SDK1: variants seen among roughly 807,000 people sequenced by gnomAD.
The protein encoded by SDK1 is protein sidekick-1.
Under a neutral mutation model 245.5 loss-of-function variants are expected in SDK1, and 157 were observed. That is an observed-to-expected ratio of 0.64 (90% confidence interval 0.56 to 0.73). The LOEUF (loss-of-function observed/expected upper bound fraction) is 0.73. Among genes scored for constraint, SDK1 ranks in the 30% least tolerant of loss-of-function variants. The pLI, the probability that SDK1 is intolerant of heterozygous loss-of-function variation, is 0.00. For synonymous variants in SDK1, 1,647 were observed against 1,278.5 expected, an observed-to-expected ratio of 1.29 and a Z score of -6.15; for missense variants, 3,583 against 3,002.3, an observed-to-expected ratio of 1.19 and a Z score of -4.52.
intron 7 of SDK1, 46 bp downstream of exon 7, chr7:3,951,966 A>T: frequency 6.6e-7 from 1 of 1,526,378 alleles, no homozygotes; most frequent in Non-Finnish European, 8.9e-7. Flanking sequence ...CTCAGATAGC[A>T]TCCGACACTG....
chr7:4,214,305 A>G (rs1045943948), intron 38 of SDK1, among the ~76,000 whole-genome samples: 2 of 152,164 alleles, frequency 1.3e-5, no homozygotes, highest in Admixed American at 1.3e-4. Context: ...ATTCTAGACA[A>G]ACCGCTGGCT....
chr7:4,122,595 T>G (rs907371937), intron 25 of SDK1, among the ~76,000 whole-genome samples: 1 of 152,118 alleles, frequency 6.6e-6, no homozygotes, highest in African/African-American at 2.4e-5. Context: ...TGTGACATCT[T>G]ATGATATATT....
intron 5 of SDK1, among the ~76,000 whole-genome samples, chr7:3,902,494 G>A (rs1016027225): frequency 1.3e-5 from 2 of 152,094 alleles, no homozygotes; most frequent in African/African-American, 4.8e-5. Context: ...CTCATTAAGG[G>A]TTACAGTCAG....
rs1004131739 is a variant in SDK1, at chr7:3,639,039, G to A, written c.494G>A (p.Gly165Glu). 1 of 1,605,314 alleles carries A rather than the reference G, an allele frequency of 6.2e-7. No homozygotes were observed. Among genetic ancestry groups the A allele is most frequent in the South Asian group, 1.1e-5 (1 of 90,036 alleles). The part of the protein sequence containing the change: ...IIPSLQKLDA[G>E]FYRCVVRNRM... ...CCATCTTTGCAGAAGCTCGATGCTG[G>A]GTTTTACCGCTGCGTGGTGCGAAAC... The change falls in exon 3 of 45, where the codon GGG (glycine) becomes GAG (glutamate). Residue 165 changes from glycine (G) to glutamate (E), a missense_variant. Gly to Glu is a moderately conservative substitution (Grantham distance 98). Transcript: ENST00000404826.
chr7:3,689,297 A>T (rs1211140985), intron 4 of SDK1, among the ~76,000 whole-genome samples: 1 of 152,158 alleles, frequency 6.6e-6, no homozygotes, highest in Non-Finnish European at 1.5e-5. Flanking sequence ...AGCCCGAGCC[A>T]TTGGAGCCTG....
rs112880014 is a variant in SDK1 at position 4,235,638 on chromosome 7, A to G, written c.5993-2009A>G. The stretch of plus-strand genomic sequence containing the variant: ...TACTGCCTGAGTTTTATCTGTGGAA[A>G]ATTGGTACAGAGCAATTACACATGC... On this transcript the variant is annotated intron_variant, in intron 41 of 44. Transcript: ENST00000404826. Among the ~76,000 whole-genome samples the G allele has an allele frequency of 9.6e-3, 1,455 of 152,340 alleles. 21 individuals carry two copies. Among genetic ancestry groups the G allele is most frequent in the African/African-American group, 0.033 (1,374 of 41,582 alleles).
At chr7:3,501,714 T>G (rs1782219892) in intron 1 of SDK1, among the ~76,000 whole-genome samples, 1 of 152,214 alleles carries the variant, frequency 6.6e-6, no homozygotes, top group Admixed American at 6.5e-5. Flanking sequence ...GGTCCATAAT[T>G]ATCATAATGT....
intron 13 of SDK1, among the ~76,000 whole-genome samples, chr7:3,980,036 A>G (rs948382105): frequency 2.6e-5 from 4 of 152,128 alleles, no homozygotes; most frequent in African/African-American, 9.7e-5. Flanking sequence ...AGAATTTAAT[A>G]CTGTTTCCCC....
intron 3 of SDK1, among the ~76,000 whole-genome samples, chr7:3,640,991 T>A (rs1411321421): frequency 2.6e-5 from 4 of 152,162 alleles, no homozygotes; most frequent in African/African-American, 9.7e-5. Context: ...GTTTAGATTT[T>A]TTTTTTTTAA....
intron 1 of SDK1, among the ~76,000 whole-genome samples, chr7:3,608,550 C>A (rs1781493087): frequency 6.6e-6 from 1 of 152,132 alleles, no homozygotes; most frequent in South Asian, 2.1e-4. Flanking sequence ...CTTGAATATG[C>A]CCACCATGAG....
intron 4 of SDK1, among the ~76,000 whole-genome samples, chr7:3,736,837 C>A (rs771547945): frequency 6.6e-6 from 1 of 152,162 alleles, no homozygotes; most frequent in Non-Finnish European, 1.5e-5. Flanking sequence ...TTCAAATGTA[C>A]AATACAGTAT....
At chr7:3,584,137 A>G (rs1780606048) in intron 1 of SDK1, among the ~76,000 whole-genome samples, 1 of 152,214 alleles carries the variant, frequency 6.6e-6, no homozygotes, top group Non-Finnish European at 1.5e-5. Context: ...GGGGTATTGT[A>G]AAAAGATTCT....
At chr7:3,416,610 T>C (rs926463385) in intron 1 of SDK1, among the ~76,000 whole-genome samples, 1 of 152,084 alleles carries the variant, frequency 6.6e-6, no homozygotes, top group Non-Finnish European at 1.5e-5. Flanking sequence ...CTATACTTCT[T>C]CTAGTCCAGC....
chr7:3,737,867 C>T (rs1779362507), intron 4 of SDK1, among the ~76,000 whole-genome samples: 1 of 152,196 alleles, frequency 6.6e-6, no homozygotes, highest in South Asian at 2.1e-4. Context: ...CTCTACCAGA[C>T]TGGGGAGGGG....
At chr7:3,526,093 G>A (rs1003792813) in intron 1 of SDK1, among the ~76,000 whole-genome samples, 2 of 152,058 alleles carry the variant, frequency 1.3e-5, no homozygotes, top group African/African-American at 2.4e-5. Flanking sequence ...AATTAGCGGG[G>A]TGTGATGGTG....
chr7:3,984,228 C>A (rs1227724687), intron 13 of SDK1, among the ~76,000 whole-genome samples: 1 of 151,986 alleles, frequency 6.6e-6, no homozygotes, highest in East Asian at 1.9e-4. Context: ...TGAGCATATT[C>A]CAGGGACTGT....
intron 20 of SDK1, among the ~76,000 whole-genome samples, chr7:4,073,157 G>A (rs1013064800): frequency 5.9e-5 from 9 of 152,148 alleles, no homozygotes; most frequent in Admixed American, 6.5e-5. Flanking sequence ...TCCTGGCTCC[G>A]GGCGCCTCTC....
intron 4 of SDK1, among the ~76,000 whole-genome samples, chr7:3,737,035 C>T (rs1020390597): frequency 1.2e-4 from 19 of 152,352 alleles, no homozygotes; most frequent in African/African-American, 4.3e-4. Context: ...TTGTCTCTGT[C>T]TGATTCCACT....
chr7:3,702,064 G>A (rs1183045790), intron 4 of SDK1, among the ~76,000 whole-genome samples: 2 of 151,986 alleles, frequency 1.3e-5, no homozygotes, highest in East Asian at 1.9e-4. Flanking sequence ...ATAAACCTCT[G>A]GGGTTTAGAA....
Sources: allele counts gnomAD v4.1 joint callset (sites outside exome capture counted in the v4.1 genomes callset), GRCh38; gene constraint gnomAD v4.1.1; transcripts MANE v1.5; gene names NCBI Gene and HGNC (gene_info 2026-07-23, HGNC 2026-07-21).